SAMD12: variants seen among roughly 807,000 people sequenced by gnomAD.
SAMD12 encodes the protein sterile alpha motif domain containing 12.
In SAMD12, 9 loss-of-function variants were observed where a neutral mutation model predicts 15.0. The observed-to-expected ratio is 0.60, with a 90% CI of 0.36 to 1.05. The LOEUF (loss-of-function observed/expected upper bound fraction) is 1.05, where lower values mean the gene tolerates loss of function less well. SAMD12 is among the 50% of genes least tolerant of loss of function. SAMD12 has a pLI of 0.01. For missense variants in SAMD12, 230 were observed against 234.2 expected (o/e 0.98, Z 0.12); for synonymous variants, 86 against 90.1 (o/e 0.96, Z 0.25).
intron 4 of SAMD12, among the ~76,000 whole-genome samples, chr8:118,264,015 G>A (rs570725566): frequency 6.6e-6 from 1 of 152,178 alleles, no homozygotes; most frequent in East Asian, 1.9e-4. Context: ...AATTGAAATA[G>A]TACAACATTC....
At chr8:118,303,085 C>T (rs1264548721) in intron 4 of SAMD12, among the ~76,000 whole-genome samples, 2 of 152,178 alleles carry the variant, frequency 1.3e-5, no homozygotes, top group African/African-American at 4.8e-5. Context: ...ATGCTCACTG[C>T]CGTCACATTA....
intron 4 of SAMD12, among the ~76,000 whole-genome samples, chr8:118,333,554 GT>G (rs11459780): frequency 3.2e-4 from 47 of 145,754 alleles, no homozygotes; most frequent in South Asian, 1.6e-3. Context: ...TGATTCTTTT[GT>G]TTTTTTTTTT....
chr8:118,270,952 T>C (rs1813341443), intron 4 of SAMD12, among the ~76,000 whole-genome samples: 1 of 152,182 alleles, frequency 6.6e-6, no homozygotes, highest in Non-Finnish European at 1.5e-5. Context: ...AATATAATTA[T>C]TGGGTAAGTG....
At chr8:118,152,383 T>G in the SAMD12 span, among the ~76,000 whole-genome samples, 1 of 152,128 alleles carries the variant, frequency 6.6e-6, no homozygotes, top group African/African-American at 2.4e-5. Context: ...TTTTTCTTTT[T>G]CCCTTTCTTT....
intron 3 of SAMD12, among the ~76,000 whole-genome samples, chr8:118,390,370 G>A (rs1427346501): frequency 6.6e-6 from 1 of 151,108 alleles, no homozygotes; most frequent in African/African-American, 2.4e-5. Flanking sequence ...AAGGAATTCA[G>A]GCAGCCTTGT....
Position 118,341,445 on chromosome 8 carries a change from C to T in SAMD12, c.433+38115G>A, listed in dbSNP as rs78150999. On this transcript the variant is annotated intron_variant, in intron 4 of 4. Coordinates refer to the SAMD12 transcript ENST00000409003. Reference sequence around the variant, plus strand: ...CATAGTCTAAGAGACCACCTCTGTGCACCAGATTATTGCATTGTGTGGCTG... The same window carrying T: ...CATAGTCTAAGAGACCACCTCTGTGTACCAGATTATTGCATTGTGTGGCTG... 3.4e-3 allele frequency among the ~76,000 whole-genome samples: 514 copies of T among 152,340 alleles called. 1 individual carries two copies. The highest frequency in any genetic ancestry group is 5.9e-3 in the Non-Finnish European group (400 of 68,034).
intron 4 of SAMD12, among the ~76,000 whole-genome samples, chr8:118,372,488 G>C (rs1819157710): frequency 6.9e-6 from 1 of 143,892 alleles, no homozygotes; most frequent in Non-Finnish European, 1.5e-5. Flanking sequence ...CTCTAATTCT[G>C]TTTTTCTTCT....
chr8:118,262,924 G>C (rs1286692506), intron 4 of SAMD12, among the ~76,000 whole-genome samples: 2 of 151,904 alleles, frequency 1.3e-5, no homozygotes, highest in Non-Finnish European at 2.9e-5. Flanking sequence ...ACATAGAAGA[G>C]GTTTACTTCT....
At chr8:118,561,899 T>A (rs1214297962) in intron 2 of SAMD12, among the ~76,000 whole-genome samples, 2 of 152,220 alleles carry the variant, frequency 1.3e-5, no homozygotes, top group Admixed American at 6.5e-5. Context: ...AATTATCTGA[T>A]TAATAAATTT....
chr8:118,451,901 A>G (rs6983068), intron 2 of SAMD12, among the ~76,000 whole-genome samples: 109,494 of 152,098 alleles, frequency 0.72, 39,748 homozygotes, highest in African/African-American at 0.81. Context: ...ATAAATTGAC[A>G]GGGCTGGTAT....
At chr8:118,196,449 A>G (rs1819565089) in exon 5 of SAMD12, 1 of 152,164 alleles carries the variant, frequency 6.6e-6, no homozygotes, top group Admixed American at 6.5e-5. Flanking sequence ...AAAGACAAGC[A>G]ATAATTAAGT....
At chr8:118,142,533 C>T in the SAMD12 span, among the ~76,000 whole-genome samples, 4 of 152,188 alleles carry the variant, frequency 2.6e-5, no homozygotes, top group South Asian at 2.1e-4. Flanking sequence ...AAACTGTCTT[C>T]GGCATTGGGA....
chr8:118,459,254 C>T (rs1490588924), intron 2 of SAMD12, among the ~76,000 whole-genome samples: 4 of 151,942 alleles, frequency 2.6e-5, no homozygotes, highest in African/African-American at 4.8e-5. Flanking sequence ...TTAGTGGAAA[C>T]GGGGTTTCAT....
chr8:118,449,976 A>T (rs901012357), intron 2 of SAMD12, among the ~76,000 whole-genome samples: 1 of 152,140 alleles, frequency 6.6e-6, no homozygotes, highest in South Asian at 2.1e-4. Context: ...AAGTCCTGTC[A>T]TTTATTTCTC....
At chr8:118,229,146 G>A (rs1051113195) in intron 4 of SAMD12, among the ~76,000 whole-genome samples, 2 of 152,024 alleles carry the variant, frequency 1.3e-5, no homozygotes, top group African/African-American at 4.8e-5. Context: ...AAGAGTGGGA[G>A]GGGGGCGAGG....
chr8:118,386,530 T>C (rs1186587733), intron 3 of SAMD12, among the ~76,000 whole-genome samples: 8 of 152,324 alleles, frequency 5.3e-5, no homozygotes, highest in African/African-American at 7.2e-5. Flanking sequence ...TAGGACCTGA[T>C]GCTGTTGGGT....
chr8:118,170,728 T>C, the SAMD12 span, among the ~76,000 whole-genome samples: 5 of 152,124 alleles, frequency 3.3e-5, no homozygotes, highest in Non-Finnish European at 7.4e-5. Context: ...GTAAAAGTCT[T>C]AGAAGATAAA....
intron 4 of SAMD12, among the ~76,000 whole-genome samples, chr8:118,242,468 G>A (rs1302419762): frequency 1.3e-5 from 2 of 152,054 alleles, no homozygotes; most frequent in Non-Finnish European, 2.9e-5. Context: ...GAGAGAGAGA[G>A]AGATTCACAT....
chr8:118,393,002 G>A (rs540071678), intron 3 of SAMD12, among the ~76,000 whole-genome samples: 4 of 152,070 alleles, frequency 2.6e-5, no homozygotes, highest in Non-Finnish European at 5.9e-5. Context: ...TCAGTAATAG[G>A]GGTTTATAGG....
Sources: allele counts gnomAD v4.1 joint callset (sites outside exome capture counted in the v4.1 genomes callset), GRCh38; gene constraint gnomAD v4.1.1; transcripts MANE v1.5; gene names NCBI Gene and HGNC (gene_info 2026-07-23, HGNC 2026-07-21).